The following UROD variants were observed in gnomAD, a reference collection of about 807,000 sequenced individuals.
UROD encodes uroporphyrinogen III decarboxylase.
In UROD, 34 loss-of-function variants were observed where a neutral mutation model predicts 47.1. The ratio of observed to expected loss-of-function variants is 0.72; its 90% confidence interval spans 0.55 to 0.96. The LOEUF is 0.96. Ranked by LOEUF, UROD falls within the 40% of genes least tolerant of loss-of-function variation. The probability of loss-of-function intolerance (pLI) is 0.00; values close to 1 mark genes in which losing one functional copy is unlikely to be tolerated. For missense variants in UROD, 381 were observed against 471.8 expected, an observed-to-expected ratio of 0.81 and a Z score of 1.78; for synonymous variants, 148 against 175.8, an observed-to-expected ratio of 0.84 and a Z score of 1.25.
At position 45,015,498 on chromosome 1, in the gene UROD, A is replaced by AGT; in HGVS notation, c.*3_*4dup. On this transcript the variant is annotated 3_prime_UTR_variant, in exon 10 of 10. Transcript: ENST00000246337. ...ACTCACGTCTGCTTCGACAGAACTG[A>AGT]GTGTATACCTTTACCCTCAAGTACC... 6.2e-7 allele frequency: 1 copy of AGT among 1,614,216 alleles called. No individual in the cohort carries two copies. The highest frequency in any genetic ancestry group is 8.5e-7 in the Non-Finnish European group (1 of 1,180,050).
chr1:45,014,334 G>T, intron 6 of UROD, 105 bp from the exon 7 acceptor site: 2 of 1,558,142 alleles, frequency 1.3e-6, no homozygotes, highest in Non-Finnish European at 1.8e-6. Context: ...GGGTCAGGCA[G>T]TATCAGGGAT....
chr1:45,014,227 T>A (rs1442917105), intron 6 of UROD, 157 bp downstream of exon 6: 1 of 1,297,982 alleles, frequency 7.7e-7, no homozygotes, highest in African/African-American at 1.5e-5. Flanking sequence ...ATCCTGACAC[T>A]GACAGTGGGG....
Position 45,013,986 on chromosome 1 carries a change from A to G in UROD, c.552A>G (p.Arg184=). ...AGGCCAAGCGCTGGCTCTATCAGAG[A>G]CCTCAGGCTAGTCACCAGCTGCTTC... ...MAQAKRWLYQ[R]PQASHQLLRI... Residue 184 remains arginine, a synonymous_variant, in exon 6 of 10, where the codon AGA becomes AGG. Coordinates refer to ENST00000246337, the MANE Select transcript of UROD (RefSeq NM_000374.5). This position sits in a 1 kb window ranked among gnomAD's most constrained non-coding sequence, Gnocchi z 4.2. The G allele has an allele frequency of 1.9e-6, 3 of 1,614,190 alleles. No individual in the cohort carries two copies. Among genetic ancestry groups the G allele is most frequent in the Non-Finnish European group, 2.5e-6 (3 of 1,180,036 alleles).
In UROD at chr1:45,013,773, T is replaced by A; in HGVS notation, c.456T>A (p.Ile152=). ...RQRLAGRVPL[I]GFAGAPWTLM... ...GACTGGCTGGACGTGTGCCGCTGAT[T>A]GGCTTTGCTGGTGCCCCAGTAATGT... Residue 152 remains isoleucine, a synonymous_variant, in exon 5 of 10, where the codon ATT becomes ATA. Coordinates refer to ENST00000246337, the MANE Select transcript of UROD (RefSeq NM_000374.5). The surrounding 1 kb of genome is among the most constrained non-coding windows in gnomAD (Gnocchi z 4.2). 1 of 1,614,188 alleles carries A rather than the reference T, an allele frequency of 6.2e-7. No individual in the cohort carries two copies. Among genetic ancestry groups the A allele is most frequent in the Non-Finnish European group, 8.5e-7 (1 of 1,180,030 alleles).
chr1:45,014,191 A>G, intron 6 of UROD, 121 bp downstream of exon 6: 1 of 1,506,400 alleles, frequency 6.6e-7, no homozygotes, highest in African/African-American at 1.4e-5. Context: ...CTTGGCCTCC[A>G]GTGATCTAGC....
At chr1:45,012,804 G>A (rs2148981968) in intron 1 of UROD, 103 bp from the exon 2 acceptor site, 1 of 1,559,496 alleles carries the variant, frequency 6.4e-7, no homozygotes, top group East Asian at 2.4e-5. Context: ...GCCTGGAGGA[G>A]GTAGATAGCG....
rs374591076 is a variant in UROD at position 45,013,362 on chromosome 1, C to T, written c.276+8C>T. 1.2e-5 allele frequency: 20 copies of T among 1,614,094 alleles called. No individual in the cohort carries two copies. Among genetic ancestry groups the T allele is most frequent in the African/African-American group, 4.0e-5 (3 of 74,940 alleles). On this transcript the variant is annotated splice_region_variant and intron_variant, in intron 4 of 9. Coordinates refer to ENST00000246337, the MANE Select transcript of UROD (RefSeq NM_000374.5). This position sits in a 1 kb window ranked among gnomAD's most constrained non-coding sequence, Gnocchi z 4.2. The stretch of plus-strand genomic sequence containing the variant: ...ATCCTTGTTGTACCCCAGGTACCCA[C>T]TCAAACCTGATCCTAGAATATAATC...
rs1297677592 is a variant in UROD, at chr1:45,013,820, G to C, written c.474+29G>C. ...ATGTGGGACAGGGCAGGGACTCGGGGCGCGGGGAGATCACTCTGGAAGGTC... is the reference window on the plus strand; with the variant it reads ...ATGTGGGACAGGGCAGGGACTCGGGCCGCGGGGAGATCACTCTGGAAGGTC... On this transcript the variant is annotated intron_variant, in intron 5 of 9. Coordinates refer to ENST00000246337, the MANE Select transcript of UROD (RefSeq NM_000374.5). This position sits in a 1 kb window ranked among gnomAD's most constrained non-coding sequence, Gnocchi z 4.2. 6.2e-7 allele frequency: 1 copy of C among 1,614,038 alleles called. No homozygotes were observed. Among genetic ancestry groups the C allele is most frequent in the Non-Finnish European group, 8.5e-7 (1 of 1,180,044 alleles).
chr1:45,013,513 T>TA lies in UROD; in HGVS notation c.277-81_277-80insA. On this transcript the variant is annotated intron_variant, in intron 4 of 9. Coordinates refer to ENST00000246337, the MANE Select transcript of UROD (RefSeq NM_000374.5). This position sits in a 1 kb window ranked among gnomAD's most constrained non-coding sequence, Gnocchi z 4.2. ...GTTTGGCAGAGTTTTATTCTCCTTT[T>TA]CCTTCCTCCTGGAATGAGCTGAACA... 1.2e-6 allele frequency: 2 copies of TA among 1,608,660 alleles called. No individual in the cohort carries two copies. The highest frequency in any genetic ancestry group is 2.2e-5 in the South Asian group (2 of 90,606).
Position 45,013,425 on chromosome 1 carries a change from A to C in UROD, c.276+71A>C, listed in dbSNP as rs1444825023. The C allele has an allele frequency of 9.3e-6, 15 of 1,610,250 alleles. No homozygotes were observed. The highest frequency in any genetic ancestry group is 1.3e-5 in the African/African-American group (1 of 74,844). On this transcript the variant is annotated intron_variant, in intron 4 of 9. Transcript: ENST00000246337. The surrounding 1 kb of genome is among the most constrained non-coding windows in gnomAD (Gnocchi z 4.2). The stretch of plus-strand genomic sequence containing the variant: ...GAAAATCCTTCTATCAGTCCAGTCA[A>C]GGTTTACAATAAGCACTTATCCTAA...
chr1:45,014,580 A>C lies in UROD; in HGVS notation c.774+4A>C, dbSNP rs1644833142. The C allele has an allele frequency of 6.2e-7, 1 of 1,614,144 alleles. No individual in the cohort carries two copies. Among genetic ancestry groups the C allele is most frequent in the East Asian group, 2.2e-5 (1 of 44,878 alleles). On this transcript the variant is annotated splice_donor_region_variant and intron_variant, in intron 7 of 9. Transcript: ENST00000246337. ...AGGCCTGGCACCAGTGCCCATGGTG[A>C]GGATTGGGATGGGTTGAGTGAAGGT...
Position 45,013,556 on chromosome 1 carries a change from T to A in UROD, c.277-38T>A, listed in dbSNP as rs1396231358. 1.9e-6 allele frequency: 3 copies of A among 1,613,884 alleles called. No homozygotes were observed. The highest frequency in any genetic ancestry group is 3.3e-5 in the Admixed American group (2 of 59,970). ...GCTGAACAGAACCTTTCCTCCTGGA[T>A]TCCATTTTGGGAACCCAGATGTTTT... On this transcript the variant is annotated intron_variant, in intron 4 of 9. Coordinates refer to ENST00000246337, the MANE Select transcript of UROD (RefSeq NM_000374.5). The surrounding 1 kb of genome is among the most constrained non-coding windows in gnomAD (Gnocchi z 4.2).
Position 45,015,365 on chromosome 1 carries a change from T to A in UROD, c.971T>A (p.Met324Lys), listed in dbSNP as rs763746230. Residue 324 changes from methionine to lysine, a missense_variant, in exon 10 of 10, where the codon ATG becomes AAG. Met to Lys is a moderately conservative substitution (Grantham distance 95). Coordinates refer to ENST00000246337, the MANE Select transcript of UROD (RefSeq NM_000374.5). ...GAGATCGGGCAGTTGGTGAAGCAGA[T>A]GCTGGATGACTTTGGACCACATCGC... The part of the protein sequence containing the change: ...EEEIGQLVKQ[M>K]LDDFGPHRYI... 6.2e-7 allele frequency: 1 copy of A among 1,614,140 alleles called. No individual in the cohort carries two copies. Among genetic ancestry groups the A allele is most frequent in the South Asian group, 1.1e-5 (1 of 91,086 alleles).
chr1:45,015,451 T>C lies in UROD; in HGVS notation c.1057T>C (p.Phe353Leu). 1 of 1,614,186 alleles carries C rather than the reference T, an allele frequency of 6.2e-7. No individual in the cohort carries two copies. The highest frequency in any genetic ancestry group is 8.5e-7 in the Non-Finnish European group (1 of 1,180,040). ...CATGGACCCAGAACATGTGGGCGCCTTTGTGGATGCTGTGCATAAACACTC... is the reference window on the plus strand; with the variant it reads ...CATGGACCCAGAACATGTGGGCGCCCTTGTGGATGCTGTGCATAAACACTC... Reference protein sequence around the residue: ...PDMDPEHVGAFVDAVHKHSRL... With the variant: ...PDMDPEHVGALVDAVHKHSRL... Residue 353 changes from phenylalanine to leucine, a missense_variant, in exon 10 of 10, where the codon TTT becomes CTT. Coordinates refer to ENST00000246337, the MANE Select transcript of UROD (RefSeq NM_000374.5).
At chr1:45,012,851 C>T in intron 1 of UROD, 56 bp from the exon 2 acceptor site, 1 of 1,605,950 alleles carries the variant, frequency 6.2e-7, no homozygotes, top group Non-Finnish European at 8.5e-7. Context: ...CCCGCGCTTT[C>T]CCCAGCCTCC....
chr1:45,015,025 CT>C lies in UROD; in HGVS notation c.942+20del, dbSNP rs749329394. 9.9e-6 allele frequency: 16 copies of C among 1,612,772 alleles called. No individual in the cohort carries two copies. In the East Asian group the frequency reaches 3.3e-4, roughly 34 times the overall value. ...ATCTGAGGTAACAGCCAGGGCCCCT[CT>C]GTGTGTCTGTTACTGTGCACTCCTG... On this transcript the variant is annotated intron_variant, in intron 9 of 9. Coordinates refer to ENST00000246337, the MANE Select transcript of UROD (RefSeq NM_000374.5).
At position 45,013,476 on chromosome 1, in the gene UROD, G is replaced by A. The variant is rs1019967068; in HGVS notation, c.277-118G>A. ...CTGGATCGAGGGAAAAACTAAGGTT[G>A]AAAGAAATGGAGTTTGGCAGAGTTT... On this transcript the variant is annotated intron_variant, in intron 4 of 9. Transcript: ENST00000246337. The surrounding 1 kb of genome is among the most constrained non-coding windows in gnomAD (Gnocchi z 4.2). 6.2e-7 allele frequency: 1 copy of A among 1,603,758 alleles called. No individual in the cohort carries two copies. The highest frequency in any genetic ancestry group is 8.5e-7 in the Non-Finnish European group (1 of 1,171,488).
At position 45,013,855 on chromosome 1, in the gene UROD, CAAAAG is replaced by C; in HGVS notation, c.475-53_475-49del. 6.2e-7 allele frequency: 1 copy of C among 1,614,202 alleles called. No individual in the cohort carries two copies. The highest frequency in any genetic ancestry group is 8.5e-7 in the Non-Finnish European group (1 of 1,180,042). ...ATCACTCTGGAAGGTCTGGGGTAGA[CAAAAG>C]GAAGGGTCAGTCTGGCTTCTGTGAC... On this transcript the variant is annotated intron_variant, in intron 5 of 9. Transcript: ENST00000246337. This position sits in a 1 kb window ranked among gnomAD's most constrained non-coding sequence, Gnocchi z 4.2.
intron 7 of UROD, 42 bp downstream of exon 7, chr1:45,014,618 CT>C: frequency 6.2e-7 from 1 of 1,613,986 alleles, no homozygotes; most frequent in Non-Finnish European, 8.5e-7. Flanking sequence ...TCCTGTGGAG[CT>C]TTCAGGCTAA....
Sources: allele counts gnomAD v4.1 joint callset, GRCh38; gene constraint gnomAD v4.1.1; non-coding constraint Gnocchi (gnomAD v3.1); transcripts MANE v1.5; gene names NCBI Gene and HGNC (gene_info 2026-07-23, HGNC 2026-07-21).